FHAD1: variants seen among roughly 807,000 people sequenced by gnomAD.
FHAD1 encodes the protein forkhead associated phosphopeptide binding domain 1.
Under a neutral mutation model 191.3 loss-of-function variants are expected in FHAD1, and 146 were observed. That is an observed-to-expected ratio of 0.76 (90% CI 0.67 to 0.88). FHAD1 has a LOEUF of 0.88. Among genes scored for constraint, FHAD1 ranks in the 40% least tolerant of loss-of-function variants. The pLI, the probability that FHAD1 is intolerant of heterozygous loss-of-function variation, is 0.00. For missense variants in FHAD1, 1,635 were observed against 1,785.8 expected, an observed-to-expected ratio of 0.92 and a Z score of 1.52; for synonymous variants, 616 against 672.3, an observed-to-expected ratio of 0.92 and a Z score of 1.29.
chr1:15,247,786 C>G (rs150265266), intron 1 of FHAD1, among the ~76,000 whole-genome samples: 106 of 152,274 alleles, frequency 7.0e-4, no homozygotes, highest in African/African-American at 2.5e-3. Context: ...TGAGGAATTT[C>G]TAGGGCTCCC....
intron 3 of FHAD1, among the ~76,000 whole-genome samples, chr1:15,274,820 A>AG (rs1657623729): frequency 6.6e-6 from 1 of 152,178 alleles, no homozygotes; most frequent in Non-Finnish European, 1.5e-5. Context: ...AAACTCAGAG[A>AG]GGTTAAGTAA....
upstream of FHAD1, among the ~76,000 whole-genome samples, chr1:15,243,620 G>T (rs1362626269): frequency 2.0e-5 from 3 of 152,348 alleles, no homozygotes; most frequent in East Asian, 5.8e-4. Flanking sequence ...GGCTGGGAAG[G>T]AATGAGATTT....
intron 21 of FHAD1, among the ~76,000 whole-genome samples, chr1:15,358,598 A>G (rs1307167828): frequency 2.6e-5 from 4 of 152,240 alleles, no homozygotes; most frequent in Non-Finnish European, 5.9e-5. Context: ...ACACAGAGCT[A>G]GGATGCCCTC....
At chr1:15,308,137 G>T (rs1671101981) in intron 6 of FHAD1, among the ~76,000 whole-genome samples, 1 of 152,240 alleles carries the variant, frequency 6.6e-6, no homozygotes, top group Non-Finnish European at 1.5e-5. Context: ...ATGAGGCTCT[G>T]TTGAAGGAGT....
At chr1:15,315,539 G>T (rs1005363837) in intron 8 of FHAD1, among the ~76,000 whole-genome samples, 1 of 141,700 alleles carries the variant, frequency 7.1e-6, no homozygotes, top group African/African-American at 2.6e-5. Flanking sequence ...AGGCTGGAGT[G>T]CAGTGGCGCG....
At chr1:15,400,493 G>T (rs527302262), downstream of FHAD1, among the ~76,000 whole-genome samples, 2 of 152,310 alleles carry the variant, frequency 1.3e-5, no homozygotes, top group African/African-American at 4.8e-5. Flanking sequence ...GGCAAGTTGG[G>T]TTAGGGTAGT....
chr1:15,255,602 A>G (rs989183820), intron 2 of FHAD1, among the ~76,000 whole-genome samples: 6 of 152,214 alleles, frequency 3.9e-5, no homozygotes, highest in Non-Finnish European at 5.9e-5. Flanking sequence ...ACACTCACAC[A>G]TGGTCCCTGC....
chr1:15,267,440 TG>T (rs1654007432), intron 2 of FHAD1, among the ~76,000 whole-genome samples: 1 of 152,174 alleles, frequency 6.6e-6, no homozygotes, highest in African/African-American at 2.4e-5. Flanking sequence ...TTATCTTGAT[TG>T]GGTATTCAGG....
At chr1:15,363,113 G>C (rs1022579775) in intron 23 of FHAD1, among the ~76,000 whole-genome samples, 1 of 152,226 alleles carries the variant, frequency 6.6e-6, no homozygotes, top group Admixed American at 6.5e-5. Context: ...TGGAGACTGA[G>C]AAGTCCCAGG....
Position 15,382,110 on chromosome 1 carries a change from G to A in FHAD1, c.4105G>A (p.Ala1369Thr), listed in dbSNP as rs1701052056. 2 of 1,552,122 alleles carry A rather than the reference G, an allele frequency of 1.3e-6. No homozygotes were observed. The highest frequency in any genetic ancestry group is 1.4e-5 in the African/African-American group (1 of 73,134). The change falls in exon 31 of 34, where the codon GCC (alanine) becomes ACC (threonine). Residue 1369 changes from alanine to threonine, a missense_variant. Coordinates refer to ENST00000688493, the MANE Select transcript of FHAD1 (RefSeq NM_001391957.1). ...TATCTACAAAGAGGCCGAAGAGAAG[G>A]CCCTGCTGAAGGAGGCCCTGGAGCG... ...DDIYKEAEEKALLKEALERME... is the reference protein window; with the variant it reads ...DDIYKEAEEKTLLKEALERME...
intron 6 of FHAD1, among the ~76,000 whole-genome samples, chr1:15,303,180 T>C (rs890403511): frequency 1.3e-5 from 2 of 152,104 alleles, no homozygotes; most frequent in Non-Finnish European, 2.9e-5. Context: ...GGGGACAGAG[T>C]AGACAACAAA....
At position 15,313,103 on chromosome 1, in the gene FHAD1, A is replaced by G. The variant is rs1446517524; in HGVS notation, c.1086A>G (p.Gln362=). The change falls in exon 8 of 34, where the codon CAA becomes CAG. Residue 362 remains glutamine, a synonymous_variant. Coordinates refer to ENST00000688493, the MANE Select transcript of FHAD1 (RefSeq NM_001391957.1). The part of the protein sequence containing the change: ...LQKDILAKDE[Q]VQQLKEEVSH... Reference sequence around the variant, plus strand: ...AAGACATATTAGCAAAGGATGAGCAAGTTCAACAACTAAAGGAAGAGGTCA... The same window carrying G: ...AAGACATATTAGCAAAGGATGAGCAGGTTCAACAACTAAAGGAAGAGGTCA... 1.3e-6 allele frequency: 2 copies of G among 1,551,838 alleles called. No homozygotes were observed.
chr1:15,345,239 G>A, intron 17 of FHAD1, 49 bp downstream of exon 17: 1 of 1,490,422 alleles, frequency 6.7e-7, no homozygotes, highest in Non-Finnish European at 9.2e-7. Context: ...CTGCAGCTAG[G>A]AAGGGTGGAT....
At chr1:15,347,882 A>G (rs1367407477) in intron 18 of FHAD1, among the ~76,000 whole-genome samples, 2 of 152,240 alleles carry the variant, frequency 1.3e-5, no homozygotes, top group Non-Finnish European at 2.9e-5. Context: ...TTGGAAGCAC[A>G]GCAACTGAGC....
In FHAD1 at chr1:15,329,158, A is replaced by G. The variant is rs535749155; in HGVS notation, c.1711-188A>G. On this transcript the variant is annotated intron_variant, in intron 13 of 33. Coordinates refer to ENST00000688493, the MANE Select transcript of FHAD1 (RefSeq NM_001391957.1). This position sits in a 1 kb window ranked among gnomAD's most constrained non-coding sequence, Gnocchi z 5.0. Reference sequence around the variant, plus strand: ...TTTGACCATCAAAAGTCCAAATTAGAGTATTAAAAAAAAACCTGTCAAAAC... The same window carrying G: ...TTTGACCATCAAAAGTCCAAATTAGGGTATTAAAAAAAAACCTGTCAAAAC... 6.1e-6 allele frequency: 3 copies of G among 488,512 alleles called. No individual in the cohort carries two copies. The highest frequency in any genetic ancestry group is 1.1e-5 in the Non-Finnish European group (3 of 272,156). The allele number at this position is 488,512 out of a possible 1,614,324, so 30.3% of individuals were successfully genotyped here. A position where few individuals can be genotyped will look rare whatever the true frequency, so the allele number is the denominator to read the frequency against.
Position 15,390,871 on chromosome 1 carries a change from G to A in FHAD1, c.4270-339G>A, listed in dbSNP as rs368108168. Reference sequence around the variant, plus strand: ...GCCCCTTCCACTTGCTCTGGGAGGCGCTGCCTCGAGCTAAAACAGACGTGT... The same window carrying A: ...GCCCCTTCCACTTGCTCTGGGAGGCACTGCCTCGAGCTAAAACAGACGTGT... On this transcript the variant is annotated intron_variant, in intron 32 of 33. Coordinates refer to ENST00000688493, the MANE Select transcript of FHAD1 (RefSeq NM_001391957.1). Among the ~76,000 whole-genome samples, 11 of 152,208 alleles carry A rather than the reference G, an allele frequency of 7.2e-5. No homozygotes were observed. The East Asian group carries it at 1.5e-3, about 21-fold the overall frequency.
At position 15,327,098 on chromosome 1, in the gene FHAD1, G is replaced by A. The variant is rs1356678327; in HGVS notation, c.1513G>A (p.Gly505Arg). The A allele has an allele frequency of 6.4e-7, 1 of 1,551,338 alleles. No homozygotes were observed. The highest frequency in any genetic ancestry group is 2.0e-5 in the Admixed American group (1 of 50,976). ...FRSQVIKATY[G>R]RAKPFRDKPV... is the part of the protein sequence containing the mutation. ...AAGTCAAGTCATCAAGGCCACCTAT[G>A]GACGGGCGAAGCCGTTCCGGGACAA... The change falls in exon 12 of 34, where the codon GGA becomes AGA. Residue 505 changes from glycine (G) to arginine (R), a missense_variant. Gly to Arg is a moderately radical substitution (Grantham distance 125, BLOSUM62 -2). Transcript: ENST00000688493. This position sits in a 1 kb window ranked among gnomAD's most constrained non-coding sequence, Gnocchi z 5.1.
intron 12 of FHAD1, 97 bp from the exon 13 acceptor site, chr1:15,328,180 T>C (rs1398821327): frequency 6.0e-6 from 6 of 1,001,460 alleles, no homozygotes; most frequent in African/African-American, 1.7e-5. Context: ...GGGACTTAAG[T>C]TGCATCTCTC....
chr1:15,358,135 A>G lies in FHAD1; in HGVS notation c.2588A>G (p.Glu863Gly). 1 of 1,512,208 alleles carries G rather than the reference A, an allele frequency of 6.6e-7. No individual in the cohort carries two copies. The highest frequency in any genetic ancestry group is 8.8e-7 in the Non-Finnish European group (1 of 1,137,256). 93.7% of individuals were successfully genotyped at this position (1,512,208 alleles called of 1,614,324 possible). Residue 863 changes from glutamate to glycine, a missense_variant, in exon 21 of 34, where the codon GAG (glutamate) becomes GGG (glycine). Transcript: ENST00000688493. ...KEELELKEQK[E>G]DVLNNKLSDA... ...GAATTAGAATTAAAAGAGCAAAAAG[A>G]GGACGTTTTAAATAATAAATTAAGT...
Sources: gnomAD v4.1 joint callset for allele counts (sites outside exome capture counted in the v4.1 genomes callset) on GRCh38, gnomAD v4.1.1 for gene constraint, Gnocchi (gnomAD v3.1) non-coding constraint, MANE v1.5 for transcripts, NCBI Gene and HGNC (gene_info 2026-07-23, HGNC 2026-07-21) for gene names.